Variants in VPS13C observed in about 807,000 individuals in gnomAD.
VPS13C encodes the protein vacuolar protein sorting 13 homolog C.
A neutral mutation model predicts 456.8 loss-of-function variants in VPS13C; 358 were observed. The observed-to-expected ratio is 0.78, with a 90% confidence interval of 0.72 to 0.86. VPS13C has a LOEUF of 0.86. Ranked by LOEUF, VPS13C falls within the 40% of genes least tolerant of loss-of-function variation. The pLI, the probability that VPS13C is intolerant of heterozygous loss-of-function variation, is 0.00. For missense variants in VPS13C, 4,818 were observed against 4,385.4 expected (o/e 1.10, Z -2.79); for synonymous variants, 1,578 against 1,486.7 (o/e 1.06, Z -1.41).
intron 22 of VPS13C, among the ~76,000 whole-genome samples, chr15:61,980,948 G>A (rs1055971006): frequency 6.6e-6 from 1 of 152,130 alleles, no homozygotes; most frequent in African/African-American, 2.4e-5. Flanking sequence ...TCCAAAAGTT[G>A]TCTTGCTCTA....
At chr15:61,866,881 A>T (rs1894631917) in intron 81 of VPS13C, 21 of 980,796 alleles carry the variant, frequency 2.1e-5, no homozygotes, top group Non-Finnish European at 2.5e-5. Context: ...CTCTTCAAAT[A>T]TACAACACAT....
intron 4 of VPS13C, 103 bp downstream of exon 4, chr15:62,034,854 T>A (rs1160562534): frequency 2.2e-5 from 16 of 725,980 alleles, no homozygotes; most frequent in Non-Finnish European, 6.5e-6. Context: ...TTTATTTAAA[T>A]TACCTTCTAT....
At chr15:61,892,541 G>A (rs898124359) in intron 66 of VPS13C, among the ~76,000 whole-genome samples, 1 of 152,104 alleles carries the variant, frequency 6.6e-6, no homozygotes, top group Non-Finnish European at 1.5e-5. Context: ...ACAAGCCAGA[G>A]AACAAACACT....
At chr15:61,863,825 A>G (rs1297569158) in intron 81 of VPS13C, 1 of 230,862 alleles carries the variant, frequency 4.3e-6, no homozygotes, top group African/African-American at 2.3e-5. Context: ...AGCAATTATC[A>G]CACACTTTAA....
At chr15:62,052,523 A>C (rs2048655373) in intron 1 of VPS13C, among the ~76,000 whole-genome samples, 1 of 151,950 alleles carries the variant, frequency 6.6e-6, no homozygotes, top group Non-Finnish European at 1.5e-5. Context: ...ATACAAAAAA[A>C]TTAGCCAGGC....
intron 16 of VPS13C, among the ~76,000 whole-genome samples, chr15:61,999,752 T>C (rs1459442303): frequency 6.6e-6 from 1 of 150,786 alleles, no homozygotes; most frequent in Non-Finnish European, 1.5e-5. Context: ...AAATAAGCAG[T>C]TATAAAACAT....
intron 9 of VPS13C, among the ~76,000 whole-genome samples, chr15:62,015,547 C>G (rs2047205112): frequency 6.8e-6 from 1 of 147,342 alleles, no homozygotes; most frequent in Non-Finnish European, 1.5e-5. Context: ...CAATGATAGA[C>G]TGGATTAAGA....
At chr15:61,909,233 A>G in intron 64 of VPS13C, 108 bp from the exon 65 acceptor site, 2 of 1,396,688 alleles carry the variant, frequency 1.4e-6, no homozygotes, top group South Asian at 2.7e-5. Context: ...TTTTCGAGAC[A>G]GAGTCTTGCT....
At chr15:62,056,157 G>C (rs1381305121) in intron 1 of VPS13C, among the ~76,000 whole-genome samples, 1 of 152,126 alleles carries the variant, frequency 6.6e-6, no homozygotes, top group Non-Finnish European at 1.5e-5. Context: ...TGAGGTGGGC[G>C]GCAAGCCACC....
chr15:61,922,248 A>G (rs2043682227), intron 54 of VPS13C, 149 bp downstream of exon 54: 1 of 1,163,388 alleles, frequency 8.6e-7, no homozygotes, highest in Admixed American at 2.7e-5. Flanking sequence ...TTATCAAAAA[A>G]CAATACATCG....
chr15:62,011,962 T>G, intron 12 of VPS13C, 145 bp downstream of exon 12: 2 of 532,166 alleles, frequency 3.8e-6, no homozygotes, highest in Non-Finnish European at 6.7e-6. Context: ...TAATAAGTTA[T>G]AACCCAAACA....
intron 15 of VPS13C, among the ~76,000 whole-genome samples, chr15:62,006,108 T>TTTA (rs1555441046): frequency 1.8e-4 from 28 of 151,392 alleles, no homozygotes; most frequent in Non-Finnish European, 4.4e-5. Flanking sequence ...TTATTTTTTT[T>TTTA]TTATTATTAT....
At chr15:61,934,478 T>G (rs887722218) in intron 48 of VPS13C, 147 bp from the exon 49 acceptor site, 1 of 444,012 alleles carries the variant, frequency 2.3e-6, no homozygotes, top group Admixed American at 4.2e-5. Flanking sequence ...ATGGCAATTA[T>G]GTTCCAACTG....
chr15:61,959,389 A>G (rs2045116759), intron 36 of VPS13C, 59 bp downstream of exon 36: 1 of 1,437,692 alleles, frequency 7.0e-7, no homozygotes, highest in Non-Finnish European at 9.3e-7. Flanking sequence ...GATTTCTGCT[A>G]AAAGTCTTTG....
At chr15:62,015,184 T>C (rs1340493275) in intron 9 of VPS13C, among the ~76,000 whole-genome samples, 1 of 152,200 alleles carries the variant, frequency 6.6e-6, no homozygotes, top group Admixed American at 6.5e-5. Context: ...CTCTATCCTT[T>C]AGAACACAGA....
chr15:61,905,884 C>CT, intron 66 of VPS13C, among the ~76,000 whole-genome samples: 1 of 152,126 alleles, frequency 6.6e-6, no homozygotes, highest in East Asian at 1.9e-4. Context: ...ATTTTGCTGT[C>CT]TTTATCTTTT....
intron 31 of VPS13C, 31 bp from the exon 32 acceptor site, chr15:61,963,982 G>T: frequency 7.2e-7 from 1 of 1,390,730 alleles, no homozygotes; most frequent in South Asian, 1.2e-5. Context: ...CTGTCACATG[G>T]TGAGATTCTA....
intron 3 of VPS13C, among the ~76,000 whole-genome samples, chr15:62,037,919 A>G (rs1298176126): frequency 6.6e-6 from 1 of 152,166 alleles, no homozygotes; most frequent in Non-Finnish European, 1.5e-5. Flanking sequence ...TGTATGTTAA[A>G]AGGAAACATA....
At chr15:61,966,272 T>C (rs2045374006) in intron 29 of VPS13C, 130 bp from the exon 30 acceptor site, 1 of 501,594 alleles carries the variant, frequency 2.0e-6, no homozygotes, top group Non-Finnish European at 3.4e-6. Flanking sequence ...TTAATTTTAT[T>C]GCCATTATTT....
Sources: gnomAD v4.1 joint callset for allele counts (sites outside exome capture counted in the v4.1 genomes callset) on GRCh38, gnomAD v4.1.1 for gene constraint, MANE v1.5 for transcripts, NCBI Gene and HGNC (gene_info 2026-07-23, HGNC 2026-07-21) for gene names.